Variants in EXTL3 observed in about 807,000 individuals in gnomAD.
EXTL3 encodes the protein exostosin-like 3.
EXTL3 carries 27 observed loss-of-function variants against 69.3 expected under a neutral mutation model. That is an observed-to-expected ratio of 0.39 (90% CI 0.29 to 0.54). EXTL3 has a LOEUF of 0.54. Ranked by LOEUF, EXTL3 falls within the 20% of genes least tolerant of loss-of-function variation. The pLI is 0.69. For synonymous variants in EXTL3, 511 were observed against 499.4 expected (o/e 1.02, Z -0.31); for missense variants, 1,003 against 1,231.8 (o/e 0.81, Z 2.78).
At chr8:28,691,640 G>C (rs1272913901) in intron 1 of EXTL3, among the ~76,000 whole-genome samples, 1 of 150,510 alleles carries the variant, frequency 6.6e-6, no homozygotes, top group East Asian at 1.9e-4. Context: ...GCTCACGCCT[G>C]TAATCCCAGC....
chr8:28,741,610 C>G (rs116094162), intron 5 of EXTL3: 1 of 152,056 alleles, frequency 6.6e-6, no homozygotes, highest in Admixed American at 6.6e-5. Flanking sequence ...GCCACTACAT[C>G]TGGCCAATTT....
At chr8:28,620,674 A>G (rs1471896633), upstream of EXTL3, among the ~76,000 whole-genome samples, 12 of 152,174 alleles carry the variant, frequency 7.9e-5, no homozygotes, top group Admixed American at 7.9e-4. Context: ...ACTGTAATCA[A>G]TTTGGTTTGA....
intron 3 of EXTL3, among the ~76,000 whole-genome samples, chr8:28,726,197 G>T (rs528681793): frequency 3.0e-4 from 46 of 151,988 alleles, no homozygotes; most frequent in Non-Finnish European, 6.3e-4. Context: ...CTTGTGATCC[G>T]CCCGCCTCGG....
At chr8:28,705,557 TAAAAA>T (rs879318621) in intron 1 of EXTL3, among the ~76,000 whole-genome samples, 1 of 136,788 alleles carries the variant, frequency 7.3e-6, no homozygotes, top group African/African-American at 2.7e-5. Flanking sequence ...CCCTGTCTCT[TAAAAA>T]AAAAAAAAAA....
intron 1 of EXTL3, among the ~76,000 whole-genome samples, chr8:28,628,985 G>A (rs1188086429): frequency 6.6e-6 from 1 of 152,148 alleles, no homozygotes; most frequent in Non-Finnish European, 1.5e-5. Context: ...GATTCCTGGA[G>A]GAAAAATCAC....
intron 1 of EXTL3, among the ~76,000 whole-genome samples, chr8:28,676,068 G>A (rs555980649): frequency 6.6e-6 from 1 of 151,298 alleles, no homozygotes; most frequent in Admixed American, 6.6e-5. Flanking sequence ...GAATCTGATT[G>A]GTTGGTTGGC....
intron 6 of EXTL3, among the ~76,000 whole-genome samples, chr8:28,746,245 C>T (rs970230942): frequency 3.9e-5 from 6 of 152,170 alleles, no homozygotes; most frequent in East Asian, 1.9e-4. Flanking sequence ...TATTGACTAA[C>T]GAATGGGGAG....
chr8:28,691,427 T>A (rs145569966), intron 1 of EXTL3, among the ~76,000 whole-genome samples: 1 of 152,208 alleles, frequency 6.6e-6, no homozygotes, highest in African/African-American at 2.4e-5. Flanking sequence ...ACTGTGAAGA[T>A]CATGTAGAAA....
At position 28,707,500 on chromosome 8, in the gene EXTL3, T is replaced by C. The variant is rs953702042; in HGVS notation, c.-570+5841T>C. On this transcript the variant is annotated intron_variant, in intron 1 of 6. Transcript: ENST00000220562. ...CCATCTTCCAAGGGTATGTGGTGCA[T>C]TGAAGTGCGGACTTTCTGCGTTAGC... is the stretch of plus-strand genomic sequence containing the variant. 3.3e-5 allele frequency among the ~76,000 whole-genome samples: 5 copies of C among 152,246 alleles called. No homozygotes were observed. The East Asian group carries it at 5.8e-4, about 18-fold the overall frequency.
intron 2 of EXTL3, 38 bp downstream of exon 2, chr8:28,713,588 C>A: frequency 1.4e-6 from 1 of 694,022 alleles, no homozygotes; most frequent in Non-Finnish European, 2.6e-6. Flanking sequence ...GCTGTGATTA[C>A]GCCTTCTTTT....
At chr8:28,662,143 C>T (rs1218038231) in intron 1 of EXTL3, among the ~76,000 whole-genome samples, 1 of 151,966 alleles carries the variant, frequency 6.6e-6, no homozygotes, top group East Asian at 1.9e-4. Flanking sequence ...GGAATCTCAT[C>T]GTGTTTGATT....
intron 3 of EXTL3, among the ~76,000 whole-genome samples, chr8:28,725,012 A>G (rs962877525): frequency 6.6e-6 from 1 of 152,094 alleles, no homozygotes; most frequent in Admixed American, 6.5e-5. Context: ...AGTTGGAGGA[A>G]GGGGATGATG....
chr8:28,613,733 G>A (rs559780366), intron 2 of EXTL3, among the ~76,000 whole-genome samples: 1 of 152,212 alleles, frequency 6.6e-6, no homozygotes, highest in South Asian at 2.1e-4. Flanking sequence ...TTTTATCTAA[G>A]TTATCAAATT....
chr8:28,730,985 G>T (rs913082877), intron 3 of EXTL3, among the ~76,000 whole-genome samples: 1 of 152,152 alleles, frequency 6.6e-6, no homozygotes, highest in African/African-American at 2.4e-5. Context: ...GCTTTTGCTT[G>T]ATTCACAAGA....
intron 6 of EXTL3, among the ~76,000 whole-genome samples, chr8:28,748,624 C>CA (rs1801940107): frequency 6.6e-6 from 1 of 152,158 alleles, no homozygotes; most frequent in Admixed American, 6.5e-5. Context: ...TTTTATCACT[C>CA]ATGTGAAGGA....
In EXTL3 at chr8:28,608,120, AAAAGAAAG is replaced by A. The variant is rs1166299384; in HGVS notation, n.314+374_314+381del. Among the ~76,000 whole-genome samples, 19 of 151,970 alleles carry A rather than the reference AAAAGAAAG, an allele frequency of 1.3e-4. 1 individual carries two copies. Among genetic ancestry groups the A allele is most frequent in the Middle Eastern group, 3.4e-3 (1 of 294 alleles). ...GCGAGACACCATCTCAAAAAAAAAA[AAAAGAAAG>A]AAAGAAAGAAATAGGCCATTAAGCT... On this transcript the variant is annotated intron_variant and non_coding_transcript_variant, in intron 2 of 4. Coordinates refer to the EXTL3 transcript ENST00000522725.
At chr8:28,715,231 G>A (rs1418130627) in intron 2 of EXTL3, among the ~76,000 whole-genome samples, 1 of 152,190 alleles carries the variant, frequency 6.6e-6, no homozygotes, top group Admixed American at 6.5e-5. Flanking sequence ...ATCTAAAGAT[G>A]ATGCCCAGGT....
intron 1 of EXTL3, among the ~76,000 whole-genome samples, chr8:28,646,786 C>T (rs897295779): frequency 6.6e-6 from 1 of 152,166 alleles, no homozygotes; most frequent in African/African-American, 2.4e-5. Context: ...CTGCCATTTC[C>T]TCATTTGTAA....
chr8:28,631,442 A>G (rs558940321), intron 1 of EXTL3: 3 of 152,310 alleles, frequency 2.0e-5, no homozygotes, highest in East Asian at 1.9e-4. Flanking sequence ...AAAAGTTCTC[A>G]TTGTTCTGAG....
Sources: gnomAD v4.1 joint callset for allele counts (sites outside exome capture counted in the v4.1 genomes callset) on GRCh38, gnomAD v4.1.1 for gene constraint, MANE v1.5 for transcripts, NCBI Gene and HGNC (gene_info 2026-07-23, HGNC 2026-07-21) for gene names.